F13A1: variants seen among roughly 807,000 people sequenced by gnomAD.
F13A1 encodes coagulation factor XIII A chain.
Under a neutral mutation model 80.1 loss-of-function variants are expected in F13A1, and 47 were observed. The observed-to-expected ratio is 0.59, with a 90% CI of 0.46 to 0.75. The LOEUF is 0.75. Among genes scored for constraint, F13A1 ranks in the 30% least tolerant of loss-of-function variants. The probability of loss-of-function intolerance (pLI) is 0.00; values close to 1 mark genes in which losing one functional copy is unlikely to be tolerated. For missense variants in F13A1, 817 were observed against 930.4 expected (o/e 0.88, Z 1.59); for synonymous variants, 349 against 344.9 (o/e 1.01, Z -0.13).
At position 6,206,390 on chromosome 6, in the gene F13A1, T is replaced by G. The variant is rs147927493; in HGVS notation, c.1113-9064A>C. The G allele has an allele frequency of 1.0e-3, 463 of 450,012 alleles. 1 individual carries two copies. The highest frequency in any genetic ancestry group is 8.2e-3 in the African/African-American group (407 of 49,850). 27.9% of individuals were successfully genotyped at this position (450,012 alleles called of 1,614,324 possible). A position where few individuals can be genotyped will look rare whatever the true frequency, so the allele number is the denominator to read the frequency against. On this transcript the variant is annotated intron_variant, in intron 8 of 14. Transcript: ENST00000264870. ...GCAAAAATTATGATTAACCAGAACATGATTCCATTGCCATATGGAGTGTTT... is the reference window on the plus strand; with the variant it reads ...GCAAAAATTATGATTAACCAGAACAGGATTCCATTGCCATATGGAGTGTTT...
intron 4 of F13A1, among the ~76,000 whole-genome samples, chr6:6,262,553 T>C (rs1442887850): frequency 6.6e-6 from 1 of 152,160 alleles, no homozygotes; most frequent in African/African-American, 2.4e-5. Context: ...TAGTTTGCCC[T>C]GTGTTCTGGA....
intron 7 of F13A1, among the ~76,000 whole-genome samples, chr6:6,222,526 C>T (rs1757209889): frequency 6.6e-6 from 1 of 152,170 alleles, no homozygotes; most frequent in Admixed American, 6.5e-5. Flanking sequence ...TTTAAAAACC[C>T]ACTAATAGGA....
chr6:6,201,665 T>A lies in F13A1; in HGVS notation c.1113-4339A>T, dbSNP rs913535266. Among the ~76,000 whole-genome samples, 113 of 152,216 alleles carry A rather than the reference T, an allele frequency of 7.4e-4. 9 individuals carry two copies. On this transcript the variant is annotated intron_variant, in intron 8 of 14. Coordinates refer to ENST00000264870, the MANE Select transcript of F13A1 (RefSeq NM_000129.4). ...GTTTTTTATATCCCAAGTTCCTCCA[T>A]GAAAGAGGCTAATGTTTACAGACAT... is the stretch of plus-strand genomic sequence containing the variant.
chr6:6,314,532 T>G (rs2113200883), intron 2 of F13A1, among the ~76,000 whole-genome samples: 1 of 152,268 alleles, frequency 6.6e-6, no homozygotes, highest in South Asian at 2.1e-4. Context: ...ACTCATCCTC[T>G]AAGTCTCGGC....
chr6:6,187,036 G>T (rs1761091644), intron 10 of F13A1, among the ~76,000 whole-genome samples: 2 of 105,596 alleles, frequency 1.9e-5, no homozygotes, highest in African/African-American at 4.0e-5. Flanking sequence ...GTCTGTTGTT[G>T]GTGTATAAGA....
intron 3 of F13A1, among the ~76,000 whole-genome samples, chr6:6,283,358 T>C (rs1758092167): frequency 6.6e-6 from 1 of 152,204 alleles, no homozygotes; most frequent in Non-Finnish European, 1.5e-5. Context: ...GGTACATTAC[T>C]GAACAAGTAG....
chr6:6,272,669 A>C (rs1757938817), intron 3 of F13A1, among the ~76,000 whole-genome samples: 2 of 152,198 alleles, frequency 1.3e-5, no homozygotes, highest in Admixed American at 1.3e-4. Context: ...CTAGCAAGGC[A>C]CTTTCCTTGC....
chr6:6,232,924 T>G lies in F13A1; in HGVS notation c.799-8064A>C, dbSNP rs187846458. On this transcript the variant is annotated intron_variant, in intron 6 of 14. Coordinates refer to ENST00000264870, the MANE Select transcript of F13A1 (RefSeq NM_000129.4). ...AACTGAATGACAATAATGACACAAC[T>G]TATCAAAGCCTCTGGGATACAGCAA... Among the ~76,000 whole-genome samples the G allele has an allele frequency of 9.9e-5, 15 of 152,084 alleles. No homozygotes were observed. The East Asian group carries it at 2.9e-3, about 29-fold the overall frequency.
chr6:6,154,335 T>G (rs1171046780), intron 13 of F13A1, among the ~76,000 whole-genome samples: 17 of 152,104 alleles, frequency 1.1e-4, no homozygotes, highest in Admixed American at 1.1e-3. Context: ...ACATGGGGTG[T>G]GGAGAGAGAA....
At chr6:6,188,215 G>C (rs1324518336) in intron 10 of F13A1, among the ~76,000 whole-genome samples, 10 of 152,090 alleles carry the variant, frequency 6.6e-5, no homozygotes, top group South Asian at 4.2e-4. Flanking sequence ...TTTTGTGTCT[G>C]TATTCCTTCA....
intron 13 of F13A1, among the ~76,000 whole-genome samples, chr6:6,163,307 T>G (rs1386410877): frequency 6.6e-6 from 1 of 152,230 alleles, no homozygotes; most frequent in African/African-American, 2.4e-5. Context: ...TTTTACTGCA[T>G]TTAGCTCCCT....
intron 10 of F13A1, among the ~76,000 whole-genome samples, chr6:6,195,550 C>T (rs2151082110): frequency 6.6e-6 from 1 of 152,266 alleles, no homozygotes; most frequent in East Asian, 1.9e-4. Flanking sequence ...GAGAACTAAG[C>T]TAATGTTAGT....
At chr6:6,222,452 G>A (rs555275071) in intron 7 of F13A1, among the ~76,000 whole-genome samples, 6 of 152,220 alleles carry the variant, frequency 3.9e-5, no homozygotes, top group South Asian at 2.1e-4. Flanking sequence ...GTTTCTAAGC[G>A]TTTGATCATC....
Position 6,299,823 on chromosome 6 carries a change from G to C in F13A1, c.319+5528C>G, listed in dbSNP as rs1175757877. Among the ~76,000 whole-genome samples, 9 of 148,484 alleles carry C rather than the reference G, an allele frequency of 6.1e-5. 1 individual carries two copies. Among genetic ancestry groups the C allele is most frequent in the African/African-American group, 2.1e-4 (8 of 38,188 alleles). On this transcript the variant is annotated intron_variant, in intron 3 of 14. Coordinates refer to ENST00000264870, the MANE Select transcript of F13A1 (RefSeq NM_000129.4). ...TCATTTCTTTGGAGGAGGAGAGGCG[G>C]TCTGCTTTTTAGAGTTTCCAGTTTT...
At chr6:6,312,010 T>C (rs1205722583) in intron 2 of F13A1, among the ~76,000 whole-genome samples, 1 of 147,968 alleles carries the variant, frequency 6.8e-6, no homozygotes, top group Non-Finnish European at 1.5e-5. Flanking sequence ...TGTATATATA[T>C]TATATATAAG....
chr6:6,276,897 A>G (rs962536109), intron 3 of F13A1, among the ~76,000 whole-genome samples: 11 of 152,212 alleles, frequency 7.2e-5, no homozygotes, highest in African/African-American at 2.7e-4. Flanking sequence ...CAGGTAGTGA[A>G]TAAGGTGTGA....
intron 3 of F13A1, among the ~76,000 whole-genome samples, chr6:6,304,505 C>A (rs948576905): frequency 3.3e-5 from 5 of 152,040 alleles, no homozygotes; most frequent in Non-Finnish European, 7.4e-5. Context: ...TAAGAAGCAC[C>A]AGACCAAAGT....
chr6:6,258,342 C>G (rs1757730555), intron 4 of F13A1, among the ~76,000 whole-genome samples: 2 of 152,288 alleles, frequency 1.3e-5, no homozygotes, highest in Admixed American at 1.3e-4. Context: ...CAAACATTTA[C>G]TGAACATTGA....
chr6:6,235,182 C>T (rs1757399498), intron 6 of F13A1, among the ~76,000 whole-genome samples: 1 of 151,896 alleles, frequency 6.6e-6, no homozygotes, highest in South Asian at 2.1e-4. Flanking sequence ...GGTTATAAAA[C>T]TTCTAAAAGG....
Sources: allele counts gnomAD v4.1 joint callset (sites outside exome capture counted in the v4.1 genomes callset), GRCh38; gene constraint gnomAD v4.1.1; transcripts MANE v1.5; gene names NCBI Gene and HGNC (gene_info 2026-07-23, HGNC 2026-07-21).